CEP89: variants seen among roughly 807,000 people sequenced by gnomAD.
The protein encoded by CEP89 is centrosomal protein of 89 kDa.
Under a neutral mutation model 97.6 loss-of-function variants are expected in CEP89, and 95 were observed. The ratio of observed to expected loss-of-function variants is 0.97; its 90% CI spans 0.82 to 1.15. The LOEUF is 1.15. Ranked by LOEUF, CEP89 falls within the 50% of genes most tolerant of loss-of-function variation. The probability of loss-of-function intolerance (pLI) is 0.00; values close to 1 mark genes in which losing one functional copy is unlikely to be tolerated. For missense variants in CEP89, 869 were observed against 947.7 expected, an observed-to-expected ratio of 0.92 and a Z score of 1.09; for synonymous variants, 354 against 349.1, an observed-to-expected ratio of 1.01 and a Z score of -0.16.
chr19:32,886,942 G>T (rs1351439528), intron 17 of CEP89, among the ~76,000 whole-genome samples: 2 of 146,282 alleles, frequency 1.4e-5, no homozygotes, highest in African/African-American at 5.1e-5. Context: ...TGGGAGGGCC[G>T]AGTCAGGCAG....
intron 15 of CEP89, among the ~76,000 whole-genome samples, chr19:32,900,246 A>T (rs970645983): frequency 1.3e-4 from 18 of 133,942 alleles, no homozygotes; most frequent in South Asian, 2.4e-4. Flanking sequence ...GAATAGGTTC[A>T]TTTTTTTTTT....
intron 3 of CEP89, among the ~76,000 whole-genome samples, chr19:32,958,020 C>A (rs568875995): frequency 1.3e-5 from 2 of 151,068 alleles, no homozygotes; most frequent in Non-Finnish European, 3.0e-5. Flanking sequence ...AAATCCCCCC[C>A]CCGCCAAAAA....
chr19:32,967,166 GCA>G (rs1177552660), intron 1 of CEP89, among the ~76,000 whole-genome samples: 3 of 152,132 alleles, frequency 2.0e-5, no homozygotes, highest in Admixed American at 1.3e-4. Context: ...CTAGCATTGA[GCA>G]CATTGCCTCA....
intron 8 of CEP89, among the ~76,000 whole-genome samples, chr19:32,932,423 A>C (rs1970495597): frequency 6.6e-6 from 1 of 152,182 alleles, no homozygotes; most frequent in East Asian, 1.9e-4. Flanking sequence ...GTTTTATATA[A>C]ATAGAAAAAG....
chr19:32,888,717 T>C (rs1012739220), intron 16 of CEP89, among the ~76,000 whole-genome samples: 6 of 152,162 alleles, frequency 3.9e-5, no homozygotes, highest in East Asian at 1.9e-4. Context: ...CTAAGACTAT[T>C]GTGTCTCCCA....
intron 14 of CEP89, among the ~76,000 whole-genome samples, chr19:32,911,821 A>G (rs1970007422): frequency 6.6e-6 from 1 of 152,184 alleles, no homozygotes; most frequent in Non-Finnish European, 1.5e-5. Context: ...GAGGAGTTGG[A>G]GAGAAACAGA....
intron 2 of CEP89, chr19:32,963,941 AACACAC>A (rs55691423): frequency 0.062 from 8,922 of 143,594 alleles, 331 homozygotes; most frequent in African/African-American, 0.096. Context: ...CATGCACATG[AACACAC>A]ACACACACAC....
intron 9 of CEP89, 55 bp from the exon 10 acceptor site, chr19:32,927,039 C>G: frequency 6.8e-7 from 1 of 1,478,458 alleles, no homozygotes; most frequent in Non-Finnish European, 9.4e-7. Flanking sequence ...TCTGAATTTT[C>G]AAGTCTTAGA....
intron 2 of CEP89, among the ~76,000 whole-genome samples, chr19:32,962,693 TAGAG>T (rs1374503767): frequency 6.6e-6 from 1 of 152,156 alleles, no homozygotes; most frequent in African/African-American, 2.4e-5. Context: ...AAGCCATAGA[TAGAG>T]AGAAAAGACT....
chr19:32,943,620 G>A (rs1970733556), intron 5 of CEP89, among the ~76,000 whole-genome samples: 1 of 151,120 alleles, frequency 6.6e-6, no homozygotes, highest in African/African-American at 2.4e-5. Context: ...GCAAGATCCT[G>A]TCTCAAAAAA....
chr19:32,907,787 A>C (rs570211053), intron 14 of CEP89, among the ~76,000 whole-genome samples: 7 of 152,254 alleles, frequency 4.6e-5, no homozygotes, highest in African/African-American at 7.2e-5. Context: ...GGCTTTTGCC[A>C]TGTTGGCCAG....
intron 16 of CEP89, among the ~76,000 whole-genome samples, chr19:32,897,736 G>A (rs888990645): frequency 2.0e-5 from 3 of 151,992 alleles, no homozygotes; most frequent in Admixed American, 1.3e-4. Context: ...TAAGTTTTTC[G>A]TTATTTGTAG....
At chr19:32,881,779 TAGC>T in intron 18 of CEP89, 62 bp downstream of exon 18, 1 of 1,466,312 alleles carries the variant, frequency 6.8e-7, no homozygotes. Context: ...CAGAGGGTTT[TAGC>T]AGAACCCTCA....
chr19:32,926,079 T>C, intron 11 of CEP89, 111 bp downstream of exon 11: 1 of 775,540 alleles, frequency 1.3e-6, no homozygotes, highest in Non-Finnish European at 2.2e-6. Context: ...AATAAACATT[T>C]GGTTATCTAT....
intron 2 of CEP89, among the ~76,000 whole-genome samples, chr19:32,964,940 C>G (rs1220160855): frequency 1.3e-5 from 2 of 152,300 alleles, no homozygotes; most frequent in East Asian, 3.9e-4. Flanking sequence ...AACAGCCTCA[C>G]TGTTGCTCAG....
Position 32,879,267 on chromosome 19 carries a change from G to A in CEP89, c.2247C>T (p.Pro749=). ...TLTRTGVQDN[P]RALVAPSLNG... ...TGAGGCTGGGGGCAACCAGAGCTCTGGGGTTGTCCTGCACGCCTGTCCTCG... is the reference window on the plus strand; with the variant it reads ...TGAGGCTGGGGGCAACCAGAGCTCTAGGGTTGTCCTGCACGCCTGTCCTCG... The change falls in exon 19 of 19, where the codon CCC becomes CCT. Residue 749 remains proline (P), a synonymous_variant. Coordinates refer to ENST00000305768, the MANE Select transcript of CEP89 (RefSeq NM_032816.5). The A allele has an allele frequency of 1.9e-6, 3 of 1,614,228 alleles. No individual in the cohort carries two copies. Among genetic ancestry groups the A allele is most frequent in the Non-Finnish European group, 1.7e-6 (2 of 1,180,034 alleles).
intron 9 of CEP89, among the ~76,000 whole-genome samples, chr19:32,929,210 T>A (rs1970420611): frequency 1.3e-5 from 2 of 152,128 alleles, no homozygotes; most frequent in South Asian, 4.1e-4. Context: ...AGAAATAAAA[T>A]CCACTAACAC....
chr19:32,939,408 G>A (rs1466942247), intron 6 of CEP89, among the ~76,000 whole-genome samples: 8 of 152,048 alleles, frequency 5.3e-5, no homozygotes, highest in Non-Finnish European at 1.5e-5. Context: ...CAGGCACAGT[G>A]GCTCATGCCT....
At chr19:32,927,464 A>C (rs1970385331) in intron 9 of CEP89, among the ~76,000 whole-genome samples, 1 of 152,164 alleles carries the variant, frequency 6.6e-6, no homozygotes, top group Non-Finnish European at 1.5e-5. Context: ...GTGTGCCTAG[A>C]GTAGCCTATA....
Sources: gnomAD v4.1 joint callset for allele counts (sites outside exome capture counted in the v4.1 genomes callset) on GRCh38, gnomAD v4.1.1 for gene constraint, MANE v1.5 for transcripts, NCBI Gene and HGNC (gene_info 2026-07-23, HGNC 2026-07-21) for gene names.